The following TFEC variants were observed in gnomAD, a reference collection of about 807,000 sequenced individuals.
TFEC encodes the protein transcription factor EC, also known as class E basic helix-loop-helix protein 34.
TFEC carries 31 observed loss-of-function variants against 41.6 expected under a neutral mutation model. The observed-to-expected ratio is 0.74, with a 90% confidence interval of 0.56 to 1.01. The LOEUF is 1.01. Among genes scored for constraint, TFEC ranks in the 50% least tolerant of loss-of-function variants. The probability of loss-of-function intolerance (pLI) is 0.00; values close to 1 mark genes in which losing one functional copy is unlikely to be tolerated. For missense variants in TFEC, 402 were observed against 404.1 expected (o/e 0.99, Z 0.04); for synonymous variants, 143 against 140.6 (o/e 1.02, Z -0.12).
chr7:115,984,952 A>G (rs940052093), intron 1 of TFEC, among the ~76,000 whole-genome samples: 20 of 152,120 alleles, frequency 1.3e-4, no homozygotes, highest in African/African-American at 3.6e-4. Flanking sequence ...TAAGAAAACT[A>G]AAAATTATAA....
chr7:115,977,499 A>G (rs925045479), intron 2 of TFEC, among the ~76,000 whole-genome samples: 1 of 152,058 alleles, frequency 6.6e-6, no homozygotes, highest in African/African-American at 2.4e-5. Flanking sequence ...ATTTATAGCC[A>G]ACAAAGTATC....
Position 115,940,156 on chromosome 7 carries a change from G to C in TFEC, c.*395C>G, listed in dbSNP as rs1793414130. On this transcript the variant is annotated 3_prime_UTR_variant, in exon 8 of 8. Transcript: ENST00000265440. The stretch of plus-strand genomic sequence containing the variant: ...GGAAGACTGATGTGAAAGTTGAAGA[G>C]AAGATGGAAATGAGTAACTAAGAGA... The C allele has an allele frequency of 6.4e-6, 1 of 156,352 alleles. No homozygotes were observed. The allele number at this position is 156,352 out of a possible 1,614,324, so 9.7% of individuals were successfully genotyped here.
chr7:116,083,939 T>A (rs1797147054), intron 3 of TFEC, among the ~76,000 whole-genome samples: 1 of 151,900 alleles, frequency 6.6e-6, no homozygotes, highest in Admixed American at 6.6e-5. Context: ...AGTCAATGAA[T>A]TGAAAGAAAT....
intron 1 of TFEC, among the ~76,000 whole-genome samples, chr7:116,129,535 C>T (rs2116294972): frequency 6.6e-6 from 1 of 151,576 alleles, no homozygotes; most frequent in Middle Eastern, 3.4e-3. Flanking sequence ...TAGAAAACAA[C>T]CCTCCTTGCA....
In TFEC at chr7:115,995,371, G is replaced by A. The variant is rs573072909; in HGVS notation, c.-72-10858C>T. 4.0e-5 allele frequency among the ~76,000 whole-genome samples: 6 copies of A among 151,464 alleles called. No individual in the cohort carries two copies. The East Asian group carries it at 1.2e-3, about 29-fold the overall frequency. On this transcript the variant is annotated intron_variant, in intron 1 of 7. Coordinates refer to ENST00000265440, the MANE Select transcript of TFEC (RefSeq NM_012252.4). ...AAAAAAACAAAAATAAAATAATAAG[G>A]CATTTGACTATGTATGCATATATAT...
intron 3 of TFEC, among the ~76,000 whole-genome samples, chr7:116,037,872 G>A (rs1392961882): frequency 6.6e-6 from 1 of 152,144 alleles, no homozygotes; most frequent in African/African-American, 2.4e-5. Context: ...CAAGAAGCAT[G>A]TCAGGCAAAA....
chr7:115,941,148 G>C (rs913462047), intron 7 of TFEC: 1 of 498,022 alleles, frequency 2.0e-6, no homozygotes, highest in African/African-American at 2.0e-5. Flanking sequence ...TTTAAGTTTG[G>C]TCTCATTGTT....
At chr7:116,101,308 A>G (rs1797599855) in intron 3 of TFEC, among the ~76,000 whole-genome samples, 1 of 152,030 alleles carries the variant, frequency 6.6e-6, no homozygotes, top group Non-Finnish European at 1.5e-5. Flanking sequence ...AGACAGCAAG[A>G]GAGGAAAAAA....
intron 1 of TFEC, chr7:116,112,046 G>GA (rs923346355): frequency 3.9e-4 from 382 of 968,984 alleles, no homozygotes; most frequent in Non-Finnish European, 4.2e-4. Context: ...ACTCTGAAAA[G>GA]AAAAAAAAAG....
At chr7:115,993,922 AGCTGGAG>A (rs895840019) in intron 1 of TFEC, among the ~76,000 whole-genome samples, 18 of 152,358 alleles carry the variant, frequency 1.2e-4, no homozygotes, top group Middle Eastern at 3.4e-3. Flanking sequence ...AAAAGAACAA[AGCTGGAG>A]GCATTACGCT....
intron 3 of TFEC, among the ~76,000 whole-genome samples, chr7:116,050,259 G>A (rs1346844712): frequency 6.6e-6 from 1 of 152,090 alleles, no homozygotes; most frequent in African/African-American, 2.4e-5. Context: ...GAAGAAAAGA[G>A]AGAGGAATCA....
chr7:116,007,936 A>G (rs528096996), intron 1 of TFEC, among the ~76,000 whole-genome samples: 8 of 152,342 alleles, frequency 5.3e-5, no homozygotes, highest in Admixed American at 1.3e-4. Flanking sequence ...TTCTTTCAAC[A>G]TTCACTCAGC....
In TFEC at chr7:116,013,216, T is replaced by C. The variant is rs572359658; in HGVS notation, c.-73+17417A>G. On this transcript the variant is annotated intron_variant, in intron 1 of 7. Transcript: ENST00000265440. ...TGTTTTACTTAACTAATAAATGCAA[T>C]TATTCTTGAATTTTTGTGTTTTAAA... Among the ~76,000 whole-genome samples the C allele has an allele frequency of 9.0e-4, 137 of 152,190 alleles. 1 individual carries two copies. The highest frequency in any genetic ancestry group is 3.1e-3 in the African/African-American group (128 of 41,552).
At chr7:116,017,329 C>A (rs1344976503) in intron 1 of TFEC, among the ~76,000 whole-genome samples, 1 of 152,192 alleles carries the variant, frequency 6.6e-6, no homozygotes, top group Non-Finnish European at 1.5e-5. Context: ...TCAAGTGATT[C>A]TCCTGCCTCA....
intron 3 of TFEC, among the ~76,000 whole-genome samples, chr7:116,047,515 G>C (rs1796198112): frequency 6.6e-6 from 1 of 152,040 alleles, no homozygotes; most frequent in Admixed American, 6.5e-5. Context: ...ACTAAAACTG[G>C]GTGGAGCCCA....
At chr7:115,943,933 T>C (rs189315044) in intron 6 of TFEC, among the ~76,000 whole-genome samples, 6 of 148,116 alleles carry the variant, frequency 4.1e-5, no homozygotes, top group African/African-American at 1.2e-4. Flanking sequence ...CTTAGGGGTG[T>C]ACATCCACTT....
At chr7:115,951,604 G>T (rs896391281) in intron 5 of TFEC, among the ~76,000 whole-genome samples, 1 of 152,058 alleles carries the variant, frequency 6.6e-6, no homozygotes, top group African/African-American at 2.4e-5. Flanking sequence ...TGTTAAAATA[G>T]ATTTGCACCA....
intron 1 of TFEC, among the ~76,000 whole-genome samples, chr7:116,138,227 C>A (rs1798471633): frequency 6.6e-6 from 1 of 152,132 alleles, no homozygotes; most frequent in Non-Finnish European, 1.5e-5. Context: ...GAATTCAAAA[C>A]AACAGATAAC....
At chr7:116,112,832 T>C (rs1365275101) in intron 1 of TFEC, among the ~76,000 whole-genome samples, 1 of 151,906 alleles carries the variant, frequency 6.6e-6, no homozygotes, top group East Asian at 1.9e-4. Context: ...CCCAGAATAA[T>C]TATGTGAGCT....
Sources: gnomAD v4.1 joint callset for allele counts (sites outside exome capture counted in the v4.1 genomes callset) on GRCh38, gnomAD v4.1.1 for gene constraint, MANE v1.5 for transcripts, NCBI Gene and HGNC (gene_info 2026-07-23, HGNC 2026-07-21) for gene names.